The following COL4A3 variants were observed in gnomAD, a reference collection of about 807,000 sequenced individuals.
COL4A3 encodes the protein collagen alpha-3(IV) chain.
COL4A3 carries 135 observed loss-of-function variants against 217.4 expected under a neutral mutation model. That is an observed-to-expected ratio of 0.62 (90% CI 0.54 to 0.72). The LOEUF is 0.72. Ranked by LOEUF, COL4A3 falls within the 30% of genes least tolerant of loss-of-function variation. The probability of loss-of-function intolerance (pLI) is 0.00; values close to 1 mark genes in which losing one functional copy is unlikely to be tolerated. For missense variants in COL4A3, 1,868 were observed against 2,119.9 expected, an observed-to-expected ratio of 0.88 and a Z score of 2.33; for synonymous variants, 690 against 736.3, an observed-to-expected ratio of 0.94 and a Z score of 1.02.
In COL4A3 at chr2:227,308,970, A is replaced by C; in HGVS notation, c.4534A>C (p.Asn1512His). The change falls in exon 49 of 52, where the codon AAT becomes CAT. Residue 1512 changes from asparagine (N) to histidine (H), a missense_variant. Asn to His is a moderately conservative substitution (Grantham distance 68). Around this residue, in one of 2 missense-constraint regions of COL4A3, gnomAD observed 1,503 missense variants for 1,786.1 expected, o/e 0.84. Transcript: ENST00000396578. ...FLFCNVNDVC[N>H]FASRNDYSYW... ...ATTCTGCAATGTCAATGATGTATGT[A>C]ATTTTGCATCTCGAAATGATTATTC... The C allele has an allele frequency of 6.2e-7, 1 of 1,614,198 alleles. No individual in the cohort carries two copies. The highest frequency in any genetic ancestry group is 8.5e-7 in the Non-Finnish European group (1 of 1,180,024).
In COL4A3 at chr2:227,294,487, C is replaced by T; in HGVS notation, c.3338-3C>T. 1 of 1,604,198 alleles carries T rather than the reference C, an allele frequency of 6.2e-7. No homozygotes were observed. Among genetic ancestry groups the T allele is most frequent in the Non-Finnish European group, 8.5e-7 (1 of 1,170,964 alleles). On this transcript the variant is annotated splice_polypyrimidine_tract_variant and splice_region_variant and intron_variant, in intron 38 of 51. Transcript: ENST00000396578. Reference sequence around the variant, plus strand: ...TTCTTCCTTCCCCTCTCTTCATTTCCAGGAAAGCCAGGTCCTCATGGTGAT... The same window carrying T: ...TTCTTCCTTCCCCTCTCTTCATTTCTAGGAAAGCCAGGTCCTCATGGTGAT...
In COL4A3 at chr2:227,243,081, A is replaced by T. The variant is rs201583827; in HGVS notation, c.235-1239A>T. ...TCAGCCTAATGCCAATTCCGTTTTT[A>T]AAAAAATTGTTATCTGTAGCCTACT... is the stretch of plus-strand genomic sequence containing the variant. On this transcript the variant is annotated intron_variant, in intron 3 of 51. Transcript: ENST00000396578. 5.4e-4 allele frequency among the ~76,000 whole-genome samples: 82 copies of T among 152,262 alleles called. 1 individual carries two copies. The highest frequency in any genetic ancestry group is 3.1e-3 in the Admixed American group (48 of 15,290).
intron 7 of COL4A3, 119 bp from the exon 8 acceptor site, chr2:227,247,439 G>A: frequency 2.2e-6 from 2 of 901,860 alleles, no homozygotes; most frequent in Non-Finnish European, 3.8e-6. Context: ...TGCTTTGTAA[G>A]GCCGTGGGAG....
chr2:227,205,276 C>T (rs78379432), intron 1 of COL4A3, among the ~76,000 whole-genome samples: 21,808 of 151,980 alleles, frequency 0.14, 1,704 homozygotes, highest in Non-Finnish European at 0.17. Flanking sequence ...CTATTATGTA[C>T]ACATATTTCA....
intron 16 of COL4A3, 109 bp from the exon 17 acceptor site, chr2:227,256,234 T>A (rs1450739858): frequency 1.6e-5 from 18 of 1,153,868 alleles, no homozygotes; most frequent in Non-Finnish European, 2.2e-5. Flanking sequence ...TGAAGAGAGA[T>A]CATCTGAGCA....
intron 1 of COL4A3, among the ~76,000 whole-genome samples, chr2:227,205,448 A>G (rs1159907499): frequency 6.6e-6 from 1 of 152,170 alleles, no homozygotes; most frequent in South Asian, 2.1e-4. Context: ...TTTGCTTTCA[A>G]TGCATTGAGA....
chr2:227,211,438 C>G (rs1402386337), intron 1 of COL4A3, among the ~76,000 whole-genome samples: 1 of 152,158 alleles, frequency 6.6e-6, no homozygotes, highest in Non-Finnish European at 1.5e-5. Context: ...ACTGTGAACA[C>G]GTTTGCACAT....
intron 41 of COL4A3, chr2:227,296,408 TA>T (rs2073030804): frequency 1.1e-5 from 7 of 612,002 alleles, no homozygotes; most frequent in African/African-American, 2.0e-5. Context: ...AAAACGGTCA[TA>T]CCTTAGGTTT....
chr2:227,170,572 A>G (rs1486090088), intron 1 of COL4A3, among the ~76,000 whole-genome samples: 2 of 151,810 alleles, frequency 1.3e-5, no homozygotes, highest in African/African-American at 4.8e-5. Context: ...AACCACCCCC[A>G]TGATTCAACT....
intron 1 of COL4A3, among the ~76,000 whole-genome samples, chr2:227,176,692 A>AT (rs969059999): frequency 1.3e-5 from 2 of 152,134 alleles, no homozygotes; most frequent in Admixed American, 1.3e-4. Flanking sequence ...AGGTCATTGG[A>AT]TTTTTTTCCC....
intron 1 of COL4A3, among the ~76,000 whole-genome samples, chr2:227,193,747 G>GGGAAGGAAGGAAGGAAGGAA (rs1230168428): frequency 9.0e-5 from 3 of 33,504 alleles, no homozygotes; most frequent in Non-Finnish European, 1.7e-4. Flanking sequence ...GAGGGAGGGA[G>GGGAAGGAAGGAAGGAAGGAA]GGAAGGAAGG....
At chr2:227,173,611 A>G (rs985225928) in intron 1 of COL4A3, among the ~76,000 whole-genome samples, 5 of 152,200 alleles carry the variant, frequency 3.3e-5, no homozygotes, top group Non-Finnish European at 5.9e-5. Context: ...CATGCTATAC[A>G]ATAGAAATAT....
At chr2:227,273,151 A>T in intron 26 of COL4A3, 34 bp downstream of exon 26, 1 of 1,610,340 alleles carries the variant, frequency 6.2e-7, no homozygotes, top group Non-Finnish European at 8.5e-7. Flanking sequence ...CTGTTTTCCG[A>T]TGGAGTGGGT....
chr2:227,280,749 G>A (rs1388352913), intron 30 of COL4A3, 144 bp from the exon 31 acceptor site: 1 of 1,065,032 alleles, frequency 9.4e-7, no homozygotes, highest in Admixed American at 1.9e-5. Flanking sequence ...TTTTTAATGA[G>A]TGCCCTCTAG....
Position 227,309,190 on chromosome 2 carries a change from G to A in COL4A3, c.4641-14G>A. 1 of 1,613,974 alleles carries A rather than the reference G, an allele frequency of 6.2e-7. No individual in the cohort carries two copies. The highest frequency in any genetic ancestry group is 8.5e-7 in the Non-Finnish European group (1 of 1,179,816). ...AAGTGGCAATGCCGCCATAGTCTTT[G>A]TTTCATGTTACAGATGCACTGTTTG... On this transcript the variant is annotated splice_polypyrimidine_tract_variant and intron_variant, in intron 49 of 51. Transcript: ENST00000396578.
In COL4A3 at chr2:227,295,399, C is replaced by T. The variant is rs188669489; in HGVS notation, c.3565+83C>T. The T allele has an allele frequency of 6.2e-5, 74 of 1,193,370 alleles. 1 individual carries two copies. The African/African-American group carries it at 9.1e-4, about 15-fold the overall frequency. The allele number at this position is 1,193,370 out of a possible 1,614,324, so 73.9% of individuals were successfully genotyped here. On this transcript the variant is annotated intron_variant, in intron 41 of 51. Coordinates refer to ENST00000396578, the MANE Select transcript of COL4A3 (RefSeq NM_000091.5). Reference sequence around the variant, plus strand: ...GAATATGCTTGAAATATAAAGTAAGCTTAACCTAGTGAATTAAAGATGTTC... The same window carrying T: ...GAATATGCTTGAAATATAAAGTAAGTTTAACCTAGTGAATTAAAGATGTTC...
At chr2:227,266,375 A>C in intron 21 of COL4A3, 42 bp from the exon 22 acceptor site, 1 of 1,465,536 alleles carries the variant, frequency 6.8e-7, no homozygotes, top group Non-Finnish European at 9.5e-7. Flanking sequence ...TAATTGAAAA[A>C]AACACAAATA....
intron 1 of COL4A3, among the ~76,000 whole-genome samples, chr2:227,187,726 A>G (rs187688306): frequency 3.9e-5 from 6 of 152,322 alleles, no homozygotes; most frequent in African/African-American, 1.4e-4. Flanking sequence ...CAACCAACGC[A>G]TGTATGTCCT....
At position 227,253,284 on chromosome 2, in the gene COL4A3, G is replaced by A. The variant is rs201615864; in HGVS notation, c.646-12G>A. On this transcript the variant is annotated splice_polypyrimidine_tract_variant and intron_variant, in intron 11 of 51. Coordinates refer to ENST00000396578, the MANE Select transcript of COL4A3 (RefSeq NM_000091.5). This position sits in a 1 kb window ranked among gnomAD's most constrained non-coding sequence, Gnocchi z 4.4. Reference sequence around the variant, plus strand: ...TTTTTAGAAAATAATTTGGTTTTGTGTTTTCTTACAGGGTCACATGGGTGA... The same window carrying A: ...TTTTTAGAAAATAATTTGGTTTTGTATTTTCTTACAGGGTCACATGGGTGA... The A allele has an allele frequency of 4.4e-5, 71 of 1,612,684 alleles. No individual in the cohort carries two copies. The African/African-American group carries it at 8.3e-4, about 19-fold the overall frequency.
Sources: gnomAD v4.1 joint callset for allele counts (sites outside exome capture counted in the v4.1 genomes callset) on GRCh38, gnomAD v4.1.1 for gene constraint, gnomAD v4.1.1 regional missense constraint, Gnocchi (gnomAD v3.1) non-coding constraint, MANE v1.5 for transcripts, NCBI Gene and HGNC (gene_info 2026-07-23, HGNC 2026-07-21) for gene names.